The following TSC2 variants were observed in gnomAD, a reference collection of about 807,000 sequenced individuals.
TSC2 encodes tuberin.
Under a neutral mutation model 202.2 loss-of-function variants are expected in TSC2, and 29 were observed. The ratio of observed to expected loss-of-function variants is 0.14; its 90% CI spans 0.11 to 0.20. TSC2 has a LOEUF of 0.20. Among genes scored for constraint, TSC2 ranks in the 10% least tolerant of loss-of-function variants. The pLI is 1.00. For synonymous variants in TSC2, 1,349 were observed against 1,044.0 expected (o/e 1.29, Z -5.63); for missense variants, 2,429 against 2,420.0 (o/e 1.00, Z -0.08).
Position 2,088,783 on chromosome 16 carries a change from G to C in TSC2, c.*173G>C. On this transcript the variant is annotated 3_prime_UTR_variant, in exon 42 of 42. Coordinates refer to ENST00000219476, the MANE Select transcript of TSC2 (RefSeq NM_000548.5). The stretch of plus-strand genomic sequence containing the variant: ...GGGGGGGTGTCGAGGCTCTAGAAGC[G>C]GCCATGCCCACAGAAGTGGTACACA... 1.1e-6 allele frequency: 1 copy of C among 889,388 alleles called. No homozygotes were observed. The highest frequency in any genetic ancestry group is 1.7e-6 in the Non-Finnish European group (1 of 597,092). 55.1% of individuals were successfully genotyped at this position (889,388 alleles called of 1,614,324 possible). A position where few individuals can be genotyped will look rare whatever the true frequency, so the allele number is the denominator to read the frequency against.
intron 30 of TSC2, chr16:2,081,209 A>G: frequency 2.8e-6 from 1 of 351,000 alleles, no homozygotes; most frequent in Non-Finnish European, 5.5e-6. Context: ...GGGCAGAGGG[A>G]GCCCCCGCAG....
intron 14 of TSC2, chr16:2,064,070 C>T (rs572909288): frequency 3.1e-5 from 24 of 763,670 alleles, no homozygotes; most frequent in Admixed American, 1.6e-4. Context: ...GCCTTCTGAA[C>T]GAGGAGCTGG....
At chr16:2,053,943 T>C (rs2091092866) in intron 4 of TSC2, 1 of 442,584 alleles carries the variant, frequency 2.3e-6, no homozygotes, top group East Asian at 5.0e-5. Flanking sequence ...CAGGCTCTCC[T>C]GGGTTTCCCC....
intron 9 of TSC2, 131 bp from the exon 10 acceptor site, chr16:2,058,616 C>G: frequency 7.3e-7 from 1 of 1,370,212 alleles, no homozygotes; most frequent in South Asian, 1.3e-5. Flanking sequence ...CCTTCCCCAG[C>G]GGTGCTCCTG....
intron 15 of TSC2, 125 bp downstream of exon 15, chr16:2,064,552 C>G (rs543805521): frequency 1.4e-6 from 2 of 1,462,698 alleles, no homozygotes; most frequent in South Asian, 2.4e-5. Flanking sequence ...TGAGGCTCCC[C>G]TCCCTGCAGG....
chr16:2,049,296 G>T (rs2084783018), intron 2 of TSC2, among the ~76,000 whole-genome samples: 1 of 151,828 alleles, frequency 6.6e-6, no homozygotes, highest in Admixed American at 6.6e-5. Context: ...ATCTTGGCCA[G>T]GCTGGTCTTG....
rs2088929846 is a variant in TSC2, at chr16:2,074,303, T to A, written c.2459T>A (p.Ile820Asn). ...AGCGTGGAGATGCCTGACATCATCA[T>A]CAAGGCGCTGCCTGTTCTGGTGGTG... is the stretch of plus-strand genomic sequence containing the variant. Reference protein sequence around the residue: ...ICSVEMPDIIIKALPVLVVKL... With the variant: ...ICSVEMPDIINKALPVLVVKL... Residue 820 changes from isoleucine (I) to asparagine (N), a missense_variant, in exon 22 of 42, where the codon ATC becomes AAC. Ile to Asn is a moderately radical substitution (Grantham distance 149). Transcript: ENST00000219476. 6.2e-7 allele frequency: 1 copy of A among 1,613,088 alleles called. No homozygotes were observed. Among genetic ancestry groups the A allele is most frequent in the Non-Finnish European group, 8.5e-7 (1 of 1,180,040 alleles).
chr16:2,081,739 C>A lies in TSC2; in HGVS notation c.3755C>A (p.Ser1252Ter). The A allele has an allele frequency of 6.2e-7, 1 of 1,612,942 alleles. No individual in the cohort carries two copies. Among genetic ancestry groups the A allele is most frequent in the South Asian group, 1.1e-5 (1 of 91,068 alleles). Residue 1252 changes from serine (S) to a stop codon, truncating the protein, a stop_gained, in exon 31 of 42, where the codon TCA (serine) becomes TAA (stop). Transcript: ENST00000219476. LOFTEE classifies it high-confidence loss of function. Reference protein sequence around the residue: ...KEHRDTALYKSLSVPAASTAK... With the variant: ...KEHRDTALYK ...CACCGGGACACAGCCCTGTACAAGT[C>A]ACTGTCGGTGCCGGCAGCCAGCACG...
rs1555496979 is a variant in TSC2, at chr16:2,053,387, C to A, written c.271C>A (p.Pro91Thr). 1 of 1,591,802 alleles carries A rather than the reference C, an allele frequency of 6.3e-7. No homozygotes were observed. The highest frequency in any genetic ancestry group is 8.5e-7 in the Non-Finnish European group (1 of 1,170,294). The change falls in exon 4 of 42, where the codon CCG becomes ACG. Residue 91 changes from proline (P) to threonine (T), a missense_variant. Pro to Thr is a conservative substitution (Grantham distance 38). Coordinates refer to ENST00000219476, the MANE Select transcript of TSC2 (RefSeq NM_000548.5). ...GAAGGCGGTCGCGGATCTGTTGCAGCCGGAGCGGCCGCTGGAGGCCCGGCA... is the reference window on the plus strand; with the variant it reads ...GAAGGCGGTCGCGGATCTGTTGCAGACGGAGCGGCCGCTGGAGGCCCGGCA... ...LWKAVADLLQPERPLEARHAV... is the reference protein window; with the variant it reads ...LWKAVADLLQTERPLEARHAV...
chr16:2,063,057 C>G lies in TSC2; in HGVS notation c.1443+4C>G, dbSNP rs45517172. The G allele has an allele frequency of 7.7e-6, 12 of 1,551,400 alleles. No homozygotes were observed. The highest frequency in any genetic ancestry group is 9.6e-6 in the Non-Finnish European group (11 of 1,146,880). On this transcript the variant is annotated splice_donor_region_variant and intron_variant, in intron 14 of 41. Transcript: ENST00000219476. ...CATCAACAGGCAGTTCTATGAGGTG[C>G]GTGTCCAGGCGGCCGCAGCTGGGGG...
Position 2,064,436 on chromosome 16 carries a change from C to A in TSC2, c.1599+9C>A. On this transcript the variant is annotated intron_variant, in intron 15 of 41. Coordinates refer to ENST00000219476, the MANE Select transcript of TSC2 (RefSeq NM_000548.5). ...TGGACATCATCGAGAAGGTGAGAGCCGTTGTACCCGGGGCCGGGTGCTAGC... is the reference window on the plus strand; with the variant it reads ...TGGACATCATCGAGAAGGTGAGAGCAGTTGTACCCGGGGCCGGGTGCTAGC... 3 of 1,613,038 alleles carry A rather than the reference C, an allele frequency of 1.9e-6. No individual in the cohort carries two copies. The highest frequency in any genetic ancestry group is 2.5e-6 in the Non-Finnish European group (3 of 1,180,010).
At position 2,065,488 on chromosome 16, in the gene TSC2, C is replaced by CT. The variant is rs397515089; in HGVS notation, c.1600-30dup. 1.3e-6 allele frequency: 2 copies of CT among 1,572,600 alleles called. No individual in the cohort carries two copies. The highest frequency in any genetic ancestry group is 1.7e-6 in the Non-Finnish European group (2 of 1,143,498). ...CGGCTGCTGACTCAGAACCATGAGC[C>CT]TGTGTGTAAGTCCTGGCCTTCTCTT... On this transcript the variant is annotated intron_variant, in intron 15 of 41. Coordinates refer to ENST00000219476, the MANE Select transcript of TSC2 (RefSeq NM_000548.5).
Position 2,072,257 on chromosome 16 carries a change from T to C in TSC2, c.2114T>C (p.Val705Ala), listed in dbSNP as rs397515068. 2 of 1,614,076 alleles carry C rather than the reference T, an allele frequency of 1.2e-6. No homozygotes were observed. Among genetic ancestry groups the C allele is most frequent in the Non-Finnish European group, 1.7e-6 (2 of 1,180,042 alleles). Residue 705 changes from valine (V) to alanine (A), a missense_variant, in exon 20 of 42, where the codon GTG becomes GCG. Transcript: ENST00000219476. ...QCLKQESDWK[V>A]LKLVLGRLPE... Reference sequence around the variant, plus strand: ...TCCTCGCAGGAGTCTGACTGGAAGGTGCTGAAGCTGGTTCTGGGCAGGCTG... The same window carrying C: ...TCCTCGCAGGAGTCTGACTGGAAGGCGCTGAAGCTGGTTCTGGGCAGGCTG...
intron 25 of TSC2, 93 bp downstream of exon 25, chr16:2,076,678 G>A (rs2089434563): frequency 3.1e-6 from 4 of 1,304,078 alleles, no homozygotes; most frequent in Admixed American, 1.8e-5. Flanking sequence ...GTCAGTGAGT[G>A]GAAATGGGTC....
intron 22 of TSC2, chr16:2,075,165 G>C (rs2089111815): frequency 6.4e-6 from 1 of 155,764 alleles, no homozygotes; most frequent in Non-Finnish European, 1.4e-5. Flanking sequence ...GGAGCTTCTA[G>C]TGAGCTGAGA....
At chr16:2,064,679 C>T (rs192138993) in intron 15 of TSC2, 105 of 585,494 alleles carry the variant, frequency 1.8e-4, no homozygotes, top group African/African-American at 1.1e-3. Flanking sequence ...CCTCCTGGAC[C>T]GACGCTGGAG....
intron 5 of TSC2, chr16:2,054,763 G>C: frequency 2.2e-6 from 1 of 457,950 alleles, no homozygotes; most frequent in Non-Finnish European, 4.0e-6. Context: ...GTCTCAACCG[G>C]AGCGTACTGG....
chr16:2,053,724 G>C (rs1401736694), intron 4 of TSC2: 1 of 611,330 alleles, frequency 1.6e-6, no homozygotes, highest in Non-Finnish European at 3.1e-6. Flanking sequence ...TTCTCGCAGA[G>C]TGCTGAGATC....
intron 10 of TSC2, among the ~76,000 whole-genome samples, chr16:2,060,154 G>A (rs1310914969): frequency 6.6e-6 from 1 of 152,132 alleles, no homozygotes; most frequent in Non-Finnish European, 1.5e-5. Context: ...TTCAGTTTCC[G>A]CAGTGCCCCG....
Sources: gnomAD v4.1 joint callset for allele counts (sites outside exome capture counted in the v4.1 genomes callset) on GRCh38, gnomAD v4.1.1 for gene constraint, MANE v1.5 for transcripts, NCBI Gene and HGNC (gene_info 2026-07-23, HGNC 2026-07-21) for gene names.